MAP2K6: variants seen among roughly 807,000 people sequenced by gnomAD.
MAP2K6 encodes dual specificity mitogen-activated protein kinase kinase 6.
In MAP2K6, 16 loss-of-function variants were observed where a neutral mutation model predicts 53.7. That is an observed-to-expected ratio of 0.30 (90% confidence interval 0.20 to 0.45). The LOEUF is 0.45. MAP2K6 is among the 20% of genes least tolerant of loss of function. The probability of loss-of-function intolerance (pLI) is 1.00; values close to 1 mark genes in which losing one functional copy is unlikely to be tolerated. For synonymous variants in MAP2K6, 132 were observed against 143.1 expected, an observed-to-expected ratio of 0.92 and a Z score of 0.55; for missense variants, 204 against 411.9, an observed-to-expected ratio of 0.50 and a Z score of 4.37.
chr17:69,438,490 C>G (rs1906718794), intron 1 of MAP2K6, among the ~76,000 whole-genome samples: 1 of 152,232 alleles, frequency 6.6e-6, no homozygotes, highest in African/African-American at 2.4e-5. Context: ...ATCTGACTCT[C>G]TTTAGCCTGA....
intron 1 of MAP2K6, among the ~76,000 whole-genome samples, chr17:69,475,406 G>T (rs1016278558): frequency 6.6e-6 from 1 of 152,070 alleles, no homozygotes; most frequent in Non-Finnish European, 1.5e-5. Context: ...CTGACCTCGT[G>T]ATCCGCCCGT....
chr17:69,500,338 C>T (rs1029011877), intron 1 of MAP2K6, among the ~76,000 whole-genome samples: 4 of 148,838 alleles, frequency 2.7e-5, no homozygotes, highest in Admixed American at 1.4e-4. Context: ...CGCAGCTACT[C>T]GGGAGGCTGA....
At chr17:69,488,618 C>T (rs1908634340) in intron 1 of MAP2K6, among the ~76,000 whole-genome samples, 1 of 152,098 alleles carries the variant, frequency 6.6e-6, no homozygotes, top group Non-Finnish European at 1.5e-5. Context: ...ATGTTCTTTG[C>T]AGGAACATGG....
intron 1 of MAP2K6, among the ~76,000 whole-genome samples, chr17:69,499,440 TG>T (rs1292574959): frequency 9.2e-5 from 14 of 152,334 alleles, no homozygotes; most frequent in African/African-American, 3.4e-4. Context: ...TTTGCAGGTG[TG>T]GAAACTCAGT....
intron 1 of MAP2K6, among the ~76,000 whole-genome samples, chr17:69,457,237 T>C (rs957595672): frequency 2.0e-5 from 3 of 152,182 alleles, no homozygotes; most frequent in Non-Finnish European, 4.4e-5. Context: ...ATTACCTTTG[T>C]GCATTAACAG....
intron 1 of MAP2K6, among the ~76,000 whole-genome samples, chr17:69,424,565 A>AGCTT (rs1219766240): frequency 6.6e-6 from 1 of 152,210 alleles, no homozygotes. Context: ...GTTTTAGCCA[A>AGCTT]GGTCTGTCTG....
chr17:69,532,610 C>T (rs1034153296), intron 10 of MAP2K6, among the ~76,000 whole-genome samples: 1 of 152,154 alleles, frequency 6.6e-6, no homozygotes, highest in East Asian at 1.9e-4. Context: ...AATTTGCTTT[C>T]CCCCCAACCT....
chr17:69,447,437 C>T (rs1215051512), intron 1 of MAP2K6, among the ~76,000 whole-genome samples: 1 of 152,008 alleles, frequency 6.6e-6, no homozygotes, highest in Admixed American at 6.6e-5. Context: ...CCTCTGCCTC[C>T]GAGGTTCAAG....
chr17:69,527,524 G>A (rs1910837008), intron 10 of MAP2K6, among the ~76,000 whole-genome samples: 1 of 152,240 alleles, frequency 6.6e-6, no homozygotes, highest in Non-Finnish European at 1.5e-5. Context: ...CTGCATAGAG[G>A]TCATGATGCC....
intron 1 of MAP2K6, among the ~76,000 whole-genome samples, chr17:69,431,668 T>C (rs1906465514): frequency 6.6e-6 from 1 of 152,220 alleles, no homozygotes; most frequent in African/African-American, 2.4e-5. Flanking sequence ...CCTCTTTCTT[T>C]ATCTGGTCTA....
rs1227719586 is a variant in MAP2K6 at position 69,505,314 on chromosome 17, A to C, written c.17-466A>C. The C allele has an allele frequency of 3.8e-5, 6 of 156,588 alleles. No homozygotes were observed. In the East Asian group the frequency reaches 1.1e-3, roughly 30 times the overall value. The allele number at this position is 156,588 out of a possible 1,614,324, so 9.7% of individuals were successfully genotyped here. A position where few individuals can be genotyped will look rare whatever the true frequency, so the allele number is the denominator to read the frequency against. ...AAAAATTAGCCGGGCATGGTGGTGCATGCCTGTAATCCCAGCTCCTCAGGA... is the reference window on the plus strand; with the variant it reads ...AAAAATTAGCCGGGCATGGTGGTGCCTGCCTGTAATCCCAGCTCCTCAGGA... On this transcript the variant is annotated intron_variant, in intron 1 of 11. Coordinates refer to ENST00000590474, the MANE Select transcript of MAP2K6 (RefSeq NM_002758.4).
intron 1 of MAP2K6, among the ~76,000 whole-genome samples, chr17:69,455,420 T>G (rs79304893): frequency 0.022 from 3,360 of 152,290 alleles, 127 homozygotes; most frequent in African/African-American, 0.076. Context: ...AATATCATGA[T>G]GTAATATGAC....
At chr17:69,536,662 T>A (rs1300632532) in intron 11 of MAP2K6, among the ~76,000 whole-genome samples, 2 of 152,250 alleles carry the variant, frequency 1.3e-5, no homozygotes. Flanking sequence ...CAAAGCATGA[T>A]TAGTTTAAAT....
At chr17:69,488,713 C>T (rs980907408) in intron 1 of MAP2K6, among the ~76,000 whole-genome samples, 3 of 152,010 alleles carry the variant, frequency 2.0e-5, no homozygotes, top group African/African-American at 4.8e-5. Context: ...ATGTCCACTT[C>T]GGTACTCGTG....
intron 1 of MAP2K6, chr17:69,502,652 C>T: frequency 1.0e-6 from 1 of 985,220 alleles, no homozygotes; most frequent in South Asian, 4.7e-5. Flanking sequence ...AGACAGGAGG[C>T]TGGCAATTTC....
intron 1 of MAP2K6, among the ~76,000 whole-genome samples, chr17:69,483,771 G>A (rs563698999): frequency 1.6e-4 from 25 of 152,154 alleles, no homozygotes; most frequent in African/African-American, 4.3e-4. Flanking sequence ...GAATAGAATC[G>A]AAAGTCCATA....
At position 69,543,169 on chromosome 17, in the gene MAP2K6, A is replaced by G. The variant is rs1911725020; in HGVS notation, c.*1416A>G. 6.6e-6 allele frequency: 1 copy of G among 152,192 alleles called. No homozygotes were observed. Among genetic ancestry groups the G allele is most frequent in the South Asian group, 2.1e-4 (1 of 4,832 alleles). 9.4% of individuals were successfully genotyped at this position (152,192 alleles called of 1,614,324 possible). A position where few individuals can be genotyped will look rare whatever the true frequency, so the allele number is the denominator to read the frequency against. ...GTGAAGTAATTGACAGGGAAAATATAGACCTATGATAAATAACCAGGAAGC... is the reference window on the plus strand; with the variant it reads ...GTGAAGTAATTGACAGGGAAAATATGGACCTATGATAAATAACCAGGAAGC... On this transcript the variant is annotated 3_prime_UTR_variant, in exon 12 of 12. Transcript: ENST00000590474.
intron 1 of MAP2K6, among the ~76,000 whole-genome samples, chr17:69,416,802 A>G (rs1905918730): frequency 6.6e-6 from 1 of 152,090 alleles, no homozygotes; most frequent in South Asian, 2.1e-4. Flanking sequence ...TATTTGGGGG[A>G]TAGTCAGGAA....
chr17:69,462,076 G>A (rs1004272214), intron 1 of MAP2K6, among the ~76,000 whole-genome samples: 40 of 152,182 alleles, frequency 2.6e-4, no homozygotes, highest in African/African-American at 9.4e-4. Flanking sequence ...CGGGATGGTG[G>A]CATGCGAAAG....
Sources: gnomAD v4.1 joint callset for allele counts (sites outside exome capture counted in the v4.1 genomes callset) on GRCh38, gnomAD v4.1.1 for gene constraint, MANE v1.5 for transcripts, NCBI Gene and HGNC (gene_info 2026-07-23, HGNC 2026-07-21) for gene names.